The following ADCY9 variants were observed in gnomAD, a reference collection of about 807,000 sequenced individuals.
ADCY9 encodes adenylate cyclase type 9.
ADCY9 carries 50 observed loss-of-function variants against 101.5 expected under a neutral mutation model. The ratio of observed to expected loss-of-function variants is 0.49; its 90% CI spans 0.39 to 0.62. ADCY9 has a LOEUF of 0.62. Ranked by LOEUF, ADCY9 falls within the 20% of genes least tolerant of loss-of-function variation. The probability of loss-of-function intolerance (pLI) is 0.00; values close to 1 mark genes in which losing one functional copy is unlikely to be tolerated. For synonymous variants in ADCY9, 905 were observed against 769.3 expected (o/e 1.18, Z -2.92); for missense variants, 1,662 against 1,800.4 (o/e 0.92, Z 1.39).
chr16:4,067,770 A>G (rs932212662), intron 2 of ADCY9, among the ~76,000 whole-genome samples: 1 of 152,090 alleles, frequency 6.6e-6, no homozygotes, highest in African/African-American at 2.4e-5. Flanking sequence ...GTGGACTGCA[A>G]CCTCCCAAAC....
chr16:4,055,819 G>T (rs1567131373), intron 2 of ADCY9, among the ~76,000 whole-genome samples: 1 of 151,896 alleles, frequency 6.6e-6, no homozygotes, highest in Non-Finnish European at 1.5e-5. Context: ...GGGCGACAGA[G>T]CGAGGATCCG....
intron 2 of ADCY9, among the ~76,000 whole-genome samples, chr16:4,047,810 C>T (rs1018705772): frequency 2.6e-5 from 4 of 152,212 alleles, no homozygotes; most frequent in Admixed American, 6.5e-5. Flanking sequence ...CCGCCCGCCT[C>T]GGCCTCCCAA....
At chr16:4,098,668 T>C (rs534716389) in intron 2 of ADCY9, among the ~76,000 whole-genome samples, 1 of 152,274 alleles carries the variant, frequency 6.6e-6, no homozygotes, top group Non-Finnish European at 1.5e-5. Context: ...TTAAGATACA[T>C]TCCAGTGGCG....
chr16:4,094,154 G>A (rs1007177078), intron 2 of ADCY9, among the ~76,000 whole-genome samples: 9 of 151,668 alleles, frequency 5.9e-5, no homozygotes, highest in African/African-American at 2.2e-4. Context: ...GTGTGTTAGA[G>A]AAAAGTCCTT....
At position 3,992,337 on chromosome 16, in the gene ADCY9, A is replaced by G. The variant is rs1567427891; in HGVS notation, c.2016T>C (p.Thr672=). ...GGGGAGGGCTGAGGAGCCCGTTCTG[A>G]GTTTTGGGATTAGGTCCTCCAGAAG... The part of the protein sequence containing the change: ...TKASGGPNPK[T]QNGLLSPPQE... Residue 672 remains threonine (T), a synonymous_variant, in exon 5 of 11, where the codon ACT becomes ACC. Coordinates refer to ENST00000294016, the MANE Select transcript of ADCY9 (RefSeq NM_001116.4). This position sits in a 1 kb window ranked among gnomAD's most constrained non-coding sequence, Gnocchi z 4.2. The G allele has an allele frequency of 6.2e-7, 1 of 1,613,792 alleles. No individual in the cohort carries two copies. The highest frequency in any genetic ancestry group is 8.5e-7 in the Non-Finnish European group (1 of 1,179,962).
chr16:3,998,753 GAAAAGAAAAGAAAAGA>G (rs1345752499), intron 3 of ADCY9, among the ~76,000 whole-genome samples: 8 of 3,578 alleles, frequency 2.2e-3, no homozygotes, highest in African/African-American at 4.1e-3. Flanking sequence ...AAGAAAGAAA[GAAAAGAAAAGAAAAGA>G]AAAGAAAAGA....
At chr16:4,040,813 C>A (rs908142755) in intron 2 of ADCY9, among the ~76,000 whole-genome samples, 3 of 152,138 alleles carry the variant, frequency 2.0e-5, no homozygotes. Flanking sequence ...AATAAAGTAT[C>A]TACACGAGTC....
At chr16:4,039,627 C>T (rs149536372) in intron 2 of ADCY9, among the ~76,000 whole-genome samples, 4 of 144,434 alleles carry the variant, frequency 2.8e-5, no homozygotes, top group African/African-American at 7.8e-5. Context: ...TGCAGTGAGC[C>T]GAGATCGCAC....
At chr16:4,097,487 T>TATATATATAC (rs76750792) in intron 2 of ADCY9, among the ~76,000 whole-genome samples, 101 of 72,466 alleles carry the variant, frequency 1.4e-3, no homozygotes, top group African/African-American at 4.4e-3. Flanking sequence ...TATATATATA[T>TATATATATAC]ACACACACAC....
chr16:3,959,605 G>C (rs560530868), downstream of ADCY9, among the ~76,000 whole-genome samples: 2 of 152,290 alleles, frequency 1.3e-5, no homozygotes, highest in East Asian at 3.9e-4. Context: ...ATACTGGCTG[G>C]ATGTTACTTA....
downstream of ADCY9, among the ~76,000 whole-genome samples, chr16:3,960,865 G>C (rs1365242719): frequency 6.6e-6 from 1 of 152,166 alleles, no homozygotes. Context: ...ATAGACACTT[G>C]GGAAGATTTT....
intron 2 of ADCY9, among the ~76,000 whole-genome samples, chr16:4,020,760 A>G (rs2056470655): frequency 6.6e-6 from 1 of 151,318 alleles, no homozygotes; most frequent in African/African-American, 2.4e-5. Context: ...CAGGAGGCGG[A>G]GCTTGCAGTG....
At chr16:4,099,355 G>C (rs1597225768) in intron 2 of ADCY9, among the ~76,000 whole-genome samples, 1 of 152,166 alleles carries the variant, frequency 6.6e-6, no homozygotes, top group Non-Finnish European at 1.5e-5. Context: ...GCAAATTAAA[G>C]CTTCCAAGGA....
rs1268579439 is a variant in ADCY9, at chr16:3,979,394, A to G, written c.2520-119T>C. 4 of 1,256,000 alleles carry G rather than the reference A, an allele frequency of 3.2e-6. No homozygotes were observed. In the Admixed American group the frequency reaches 8.4e-5, roughly 26 times the overall value. 77.8% of individuals were successfully genotyped at this position (1,256,000 alleles called of 1,614,324 possible). A position where few individuals can be genotyped will look rare whatever the true frequency, so the allele number is the denominator to read the frequency against. ...TGCTCTCTCCCGTGTTGCCCCTGGGATGGGCGTGAGAGCAGGCGTGGGGTG... is the reference window on the plus strand; with the variant it reads ...TGCTCTCTCCCGTGTTGCCCCTGGGGTGGGCGTGAGAGCAGGCGTGGGGTG... On this transcript the variant is annotated intron_variant, in intron 7 of 10. Coordinates refer to ENST00000294016, the MANE Select transcript of ADCY9 (RefSeq NM_001116.4).
At chr16:4,110,376 C>CTTT (rs1170090126) in intron 2 of ADCY9, among the ~76,000 whole-genome samples, 16,383 of 110,990 alleles carry the variant, frequency 0.15, 2,566 homozygotes, top group East Asian at 0.2. Context: ...CTTATACCTA[C>CTTT]TTTTTTTTTT....
intron 2 of ADCY9, among the ~76,000 whole-genome samples, chr16:4,073,904 A>T (rs569032313): frequency 6.6e-6 from 1 of 152,344 alleles, no homozygotes. Context: ...AATAATTTTC[A>T]AAAGTATTTT....
rs1170090126 is a variant in ADCY9 at position 4,110,376 on chromosome 16, C to CTTTTTTTTTTTTTTTTTTT, written c.1693+3355_1693+3373dup. Among the ~76,000 whole-genome samples, 2 of 110,742 alleles carry CTTTTTTTTTTTTTTTTTTT rather than the reference C, an allele frequency of 1.8e-5. 1 individual carries two copies. The allele number at this position is 110,742 out of a possible 152,430, so 72.7% of individuals were successfully genotyped here. A position where few individuals can be genotyped will look rare whatever the true frequency, so the allele number is the denominator to read the frequency against. On this transcript the variant is annotated intron_variant, in intron 2 of 10. Transcript: ENST00000294016. The stretch of plus-strand genomic sequence containing the variant: ...AGTTTTGCAATCATACTTATACCTA[C>CTTTTTTTTTTTTTTTTTTT]TTTTTTTTTTTTTTTTTTTTTTTTT...
At chr16:4,034,458 G>A (rs759898820) in intron 2 of ADCY9, among the ~76,000 whole-genome samples, 1 of 152,256 alleles carries the variant, frequency 6.6e-6, no homozygotes, top group South Asian at 2.1e-4. Flanking sequence ...CACCCAGGCT[G>A]GAGTGCACTG....
chr16:4,034,479 G>A (rs756693699), intron 2 of ADCY9, among the ~76,000 whole-genome samples: 9 of 152,040 alleles, frequency 5.9e-5, no homozygotes, highest in Non-Finnish European at 1.2e-4. Context: ...GTACGATTTC[G>A]GCTCACTGCA....
Sources: allele counts gnomAD v4.1 joint callset (sites outside exome capture counted in the v4.1 genomes callset), GRCh38; gene constraint gnomAD v4.1.1; non-coding constraint Gnocchi (gnomAD v3.1); transcripts MANE v1.5; gene names NCBI Gene and HGNC (gene_info 2026-07-23, HGNC 2026-07-21).